The following PCDHGB1 variants were observed in gnomAD, a reference collection of about 807,000 sequenced individuals.
PCDHGB1 encodes the protein protocadherin gamma-B1.
Under a neutral mutation model 56.6 loss-of-function variants are expected in PCDHGB1, and 34 were observed. The ratio of observed to expected loss-of-function variants is 0.60; its 90% CI spans 0.46 to 0.80. The LOEUF (loss-of-function observed/expected upper bound fraction) is 0.80. Ranked by LOEUF, PCDHGB1 falls within the 30% of genes least tolerant of loss-of-function variation. PCDHGB1 has a pLI of 0.00. For synonymous variants in PCDHGB1, 561 were observed against 505.9 expected (o/e 1.11, Z -1.46); for missense variants, 1,278 against 1,204.6 (o/e 1.06, Z -0.90).
chr5:141,387,570 A>G, intron 1 of PCDHGB1: 1 of 455,170 alleles, frequency 2.2e-6, no homozygotes, highest in South Asian at 4.2e-5. Flanking sequence ...CACAATTATA[A>G]TTATTGCACT....
Position 141,397,997 on chromosome 5 carries a change from C to T in PCDHGB1, c.2409+45328C>T, listed in dbSNP as rs2093595590. ...GCCGGCCTTTACACCGCTTCCTCCTCGGAAAAAGAATCGTTTCCTAAACTG... is the reference window on the plus strand; with the variant it reads ...GCCGGCCTTTACACCGCTTCCTCCTTGGAAAAAGAATCGTTTCCTAAACTG... On this transcript the variant is annotated intron_variant, in intron 1 of 3. Coordinates refer to ENST00000523390, the MANE Select transcript of PCDHGB1 (RefSeq NM_018922.3). The T allele has an allele frequency of 6.6e-6, 9 of 1,372,980 alleles. No individual in the cohort carries two copies. The Admixed American group carries it at 2.4e-4, about 37-fold the overall frequency. The allele number at this position is 1,372,980 out of a possible 1,614,324, so 85.0% of individuals were successfully genotyped here.
At chr5:141,364,378 C>G (rs1453338344) in intron 1 of PCDHGB1, 3 of 1,578,948 alleles carry the variant, frequency 1.9e-6, no homozygotes, top group African/African-American at 1.4e-5. Context: ...TGCTGCTGCC[C>G]TTCATGCTCC....
intron 1 of PCDHGB1, chr5:141,415,519 A>T: frequency 1.9e-6 from 3 of 1,614,182 alleles, no homozygotes; most frequent in Non-Finnish European, 2.5e-6. Context: ...TTATGCGGAC[A>T]CGCTCATCAG....
Position 141,375,311 on chromosome 5 carries a change from C to G in PCDHGB1, c.2409+22642C>G, listed in dbSNP as rs367639660. On this transcript the variant is annotated intron_variant, in intron 1 of 3. Transcript: ENST00000523390. ...TTATCGATTAGTGACAAATGCAGCTCTAGACCGGGAAGAGGTATTCTTGTA... is the reference window on the plus strand; with the variant it reads ...TTATCGATTAGTGACAAATGCAGCTGTAGACCGGGAAGAGGTATTCTTGTA... The G allele has an allele frequency of 2.0e-5, 32 of 1,613,730 alleles. No individual in the cohort carries two copies. The Middle Eastern group carries it at 4.9e-4, about 25-fold the overall frequency.
Position 141,414,407 on chromosome 5 carries a change from A to T in PCDHGB1, c.2409+61738A>T, listed in dbSNP as rs181582338. On this transcript the variant is annotated intron_variant, in intron 1 of 3. Transcript: ENST00000523390. ...GACAGTTATTACAGATTGGTGATACACAGAGCCCTTGACAGGGAACAGGTA... is the reference window on the plus strand; with the variant it reads ...GACAGTTATTACAGATTGGTGATACTCAGAGCCCTTGACAGGGAACAGGTA... 96 of 1,613,912 alleles carry T rather than the reference A, an allele frequency of 5.9e-5. No individual in the cohort carries two copies. In the East Asian group the frequency reaches 1.5e-3, roughly 25 times the overall value.
chr5:141,442,317 A>T (rs1257883989), intron 1 of PCDHGB1: 2 of 152,400 alleles, frequency 1.3e-5, no homozygotes, highest in Admixed American at 6.5e-5. Context: ...ACGGATGTCT[A>T]TCCCGCGCTA....
chr5:141,498,940 A>G (rs527366029), intron 2 of PCDHGB1, among the ~76,000 whole-genome samples: 57 of 140,142 alleles, frequency 4.1e-4, no homozygotes, highest in Non-Finnish European at 7.3e-4. Flanking sequence ...CAGGAAAGAA[A>G]GAAAGAAAAA....
At chr5:141,415,445 A>G (rs1225407576) in intron 1 of PCDHGB1, 7 of 1,614,202 alleles carry the variant, frequency 4.3e-6, no homozygotes, top group South Asian at 1.1e-5. Flanking sequence ...CTGCAGACCT[A>G]TTCCCACGAG....
chr5:141,353,282 T>G (rs1759236412), intron 1 of PCDHGB1, among the ~76,000 whole-genome samples: 1 of 152,194 alleles, frequency 6.6e-6, no homozygotes. Flanking sequence ...TTCAAGTCAT[T>G]TTATTCTTAG....
intron 1 of PCDHGB1, chr5:141,422,357 C>T: frequency 6.4e-7 from 1 of 1,557,656 alleles, no homozygotes; most frequent in South Asian, 1.3e-5. Context: ...GATCAAGATT[C>T]TGGAGAAAAT....
intron 1 of PCDHGB1, chr5:141,383,450 G>T: frequency 6.2e-7 from 1 of 1,613,960 alleles, no homozygotes; most frequent in South Asian, 1.1e-5. Flanking sequence ...GCTGTGCAAA[G>T]TGGAGACGAT....
Position 141,489,493 on chromosome 5 carries a change from G to A in PCDHGB1, c.2410-5314G>A, listed in dbSNP as rs1485293604. ...CCTGAGCTTGATGAGTGGTGCCCTG[G>A]CAGTGAATCAAAAGATTGACCGAGA... On this transcript the variant is annotated intron_variant, in intron 1 of 3. Coordinates refer to ENST00000523390, the MANE Select transcript of PCDHGB1 (RefSeq NM_018922.3). The surrounding 1 kb of genome is among the most constrained non-coding windows in gnomAD (Gnocchi z 4.5). The A allele has an allele frequency of 1.2e-6, 2 of 1,613,960 alleles. No homozygotes were observed. Among genetic ancestry groups the A allele is most frequent in the Non-Finnish European group, 1.7e-6 (2 of 1,180,038 alleles).
intron 2 of PCDHGB1, among the ~76,000 whole-genome samples, chr5:141,499,869 G>A (rs1247615457): frequency 3.3e-5 from 5 of 151,938 alleles, no homozygotes; most frequent in Non-Finnish European, 5.9e-5. Context: ...TGTATTTTCA[G>A]TACAAACAGG....
At chr5:141,448,143 A>C (rs2098568288) in intron 1 of PCDHGB1, among the ~76,000 whole-genome samples, 1 of 152,012 alleles carries the variant, frequency 6.6e-6, no homozygotes, top group Admixed American at 6.6e-5. Context: ...ACTATACCTC[A>C]GACTCACCCC....
intron 1 of PCDHGB1, chr5:141,422,628 C>A: frequency 6.2e-7 from 1 of 1,613,410 alleles, no homozygotes; most frequent in Non-Finnish European, 8.5e-7. Context: ...AAAACAACCC[C>A]AGGGGTGCCT....
Position 141,422,537 on chromosome 5 carries a change from C to T in PCDHGB1, c.2409+69868C>T, listed in dbSNP as rs993210917. 2.5e-6 allele frequency: 4 copies of T among 1,613,874 alleles called. No individual in the cohort carries two copies. Among genetic ancestry groups the T allele is most frequent in the Non-Finnish European group, 3.4e-6 (4 of 1,179,894 alleles). ...GGAAGCCCGCCTTTGTCTGCAGAAA[C>T]TCATGTCTGGCTGAATGTGGCAGAT... is the stretch of plus-strand genomic sequence containing the variant. On this transcript the variant is annotated intron_variant, in intron 1 of 3. Coordinates refer to ENST00000523390, the MANE Select transcript of PCDHGB1 (RefSeq NM_018922.3).
intron 1 of PCDHGB1, chr5:141,356,963 T>C: frequency 6.2e-7 from 1 of 1,614,226 alleles, no homozygotes; most frequent in Non-Finnish European, 8.5e-7. Context: ...GGCTACCTGG[T>C]GACCAAAGTG....
At chr5:141,426,451 C>A in intron 1 of PCDHGB1, 1 of 308,946 alleles carries the variant, frequency 3.2e-6, no homozygotes, top group South Asian at 3.0e-5. Flanking sequence ...GGACATGCGG[C>A]TGCATGTTCA....
chr5:141,508,647 C>T (rs1301017914), intron 3 of PCDHGB1, among the ~76,000 whole-genome samples: 4 of 152,090 alleles, frequency 2.6e-5, no homozygotes, highest in African/African-American at 9.7e-5. Flanking sequence ...CTCCGTCAGG[C>T]CCTTCCTGTC....
Sources: gnomAD v4.1 joint callset for allele counts (sites outside exome capture counted in the v4.1 genomes callset) on GRCh38, gnomAD v4.1.1 for gene constraint, Gnocchi (gnomAD v3.1) non-coding constraint, MANE v1.5 for transcripts, NCBI Gene and HGNC (gene_info 2026-07-23, HGNC 2026-07-21) for gene names.